Variants in COL10A1 observed in about 807,000 individuals in gnomAD.
COL10A1 encodes collagen type X alpha 1 chain.
COL10A1 carries 10 observed loss-of-function variants against 18.2 expected under a neutral mutation model. The ratio of observed to expected loss-of-function variants is 0.55; its 90% confidence interval spans 0.34 to 0.93. COL10A1 has a LOEUF of 0.93. Ranked by LOEUF, COL10A1 falls within the 40% of genes least tolerant of loss-of-function variation. The pLI is 0.02. For synonymous variants in COL10A1, 330 were observed against 316.6 expected, an observed-to-expected ratio of 1.04 and a Z score of -0.45; for missense variants, 897 against 853.5, an observed-to-expected ratio of 1.05 and a Z score of -0.64.
intron 1 of COL10A1, among the ~76,000 whole-genome samples, chr6:116,131,248 G>T (rs1779455590): frequency 6.6e-6 from 1 of 152,116 alleles, no homozygotes; most frequent in Non-Finnish European, 1.5e-5. Context: ...AGCAAACATT[G>T]TATATTTCTG....
chr6:116,203,916 C>T, the COL10A1 span, among the ~76,000 whole-genome samples: 1 of 151,850 alleles, frequency 6.6e-6, no homozygotes, highest in South Asian at 2.1e-4. Context: ...TAATTATTAT[C>T]ATAATTTACC....
At chr6:116,165,376 T>G in the COL10A1 span, among the ~76,000 whole-genome samples, 1 of 152,228 alleles carries the variant, frequency 6.6e-6, no homozygotes, top group Non-Finnish European at 1.5e-5. Flanking sequence ...TGGATTTCTA[T>G]ATCTCTAACA....
chr6:116,163,813 A>C, the COL10A1 span, among the ~76,000 whole-genome samples: 14 of 152,264 alleles, frequency 9.2e-5, no homozygotes, highest in African/African-American at 3.4e-4. Flanking sequence ...TTACATGTCT[A>C]TATTCATTTC....
At chr6:116,165,411 C>A in the COL10A1 span, among the ~76,000 whole-genome samples, 36 of 152,296 alleles carry the variant, frequency 2.4e-4, no homozygotes, top group African/African-American at 8.7e-4. Flanking sequence ...TTCCTGAATT[C>A]TTTCTACCAA....
chr6:116,210,590 G>T, the COL10A1 span, among the ~76,000 whole-genome samples: 1 of 151,868 alleles, frequency 6.6e-6, no homozygotes, highest in Non-Finnish European at 1.5e-5. Context: ...TGTTCCTGGG[G>T]TCATTATGAG....
chr6:116,164,444 T>C, the COL10A1 span, among the ~76,000 whole-genome samples: 1 of 152,212 alleles, frequency 6.6e-6, no homozygotes, highest in Non-Finnish European at 1.5e-5. Context: ...TGATATATCT[T>C]TCTCCACCCC....
the COL10A1 span, among the ~76,000 whole-genome samples, chr6:116,193,980 C>T: frequency 6.6e-6 from 1 of 151,926 alleles, no homozygotes; most frequent in African/African-American, 2.4e-5. Flanking sequence ...GGGAGGACCA[C>T]CTAAGCCCAG....
chr6:116,216,104 AT>A, the COL10A1 span, among the ~76,000 whole-genome samples: 1 of 152,180 alleles, frequency 6.6e-6, no homozygotes, highest in Non-Finnish European at 1.5e-5. Context: ...CTTAATTGGT[AT>A]AGTGTAAGAG....
intron 1 of COL10A1, among the ~76,000 whole-genome samples, chr6:116,157,001 A>T (rs1342218127): frequency 6.6e-6 from 1 of 151,930 alleles, no homozygotes. Context: ...TTATTTGGAT[A>T]TTTTTTTCTC....
the COL10A1 span, among the ~76,000 whole-genome samples, chr6:116,189,785 T>A: frequency 8.6e-5 from 13 of 152,018 alleles, no homozygotes; most frequent in Non-Finnish European, 1.6e-4. Context: ...AATCCATTCA[T>A]ATGCAGGAAC....
At chr6:116,172,695 A>T in the COL10A1 span, among the ~76,000 whole-genome samples, 5 of 152,212 alleles carry the variant, frequency 3.3e-5, no homozygotes, top group African/African-American at 4.8e-5. Flanking sequence ...TATATTATTT[A>T]ATTACATAAG....
the COL10A1 span, among the ~76,000 whole-genome samples, chr6:116,200,470 T>C: frequency 1.3e-5 from 2 of 152,066 alleles, no homozygotes; most frequent in Non-Finnish European, 2.9e-5. Context: ...AAGATATTGA[T>C]AGGGAAATTG....
At chr6:116,186,989 A>G in the COL10A1 span, among the ~76,000 whole-genome samples, 1 of 152,014 alleles carries the variant, frequency 6.6e-6, no homozygotes. Flanking sequence ...TCATTTGGGT[A>G]AACTATGTCA....
At chr6:116,147,275 C>G (rs1779921373) in intron 1 of COL10A1, among the ~76,000 whole-genome samples, 1 of 151,726 alleles carries the variant, frequency 6.6e-6, no homozygotes, top group African/African-American at 2.4e-5. Context: ...AATCCCGACT[C>G]TACTAAAAAT....
At chr6:116,160,848 C>T (rs1430682738), upstream of COL10A1, among the ~76,000 whole-genome samples, 1 of 152,030 alleles carries the variant, frequency 6.6e-6, no homozygotes, top group Non-Finnish European at 1.5e-5. Flanking sequence ...TGGGTATATA[C>T]CCAAAGGACT....
the COL10A1 span, among the ~76,000 whole-genome samples, chr6:116,197,931 G>A: frequency 6.6e-6 from 1 of 152,026 alleles, no homozygotes; most frequent in Non-Finnish European, 1.5e-5. Flanking sequence ...CTTCACCCCA[G>A]ATAGGGCTGC....
intron 1 of COL10A1, among the ~76,000 whole-genome samples, chr6:116,155,316 C>A (rs1244600624): frequency 6.6e-6 from 1 of 152,080 alleles, no homozygotes; most frequent in African/African-American, 2.4e-5. Flanking sequence ...AATAATCTTT[C>A]TTATTATTAA....
At chr6:116,158,066 C>T (rs1451720169) in intron 1 of COL10A1, among the ~76,000 whole-genome samples, 1 of 152,198 alleles carries the variant, frequency 6.6e-6, no homozygotes, top group Admixed American at 6.5e-5. Flanking sequence ...GCAGCTTCAG[C>T]TCTCAAAAAG....
the COL10A1 span, among the ~76,000 whole-genome samples, chr6:116,171,770 CAA>C: frequency 6.6e-6 from 1 of 152,278 alleles, no homozygotes; most frequent in Middle Eastern, 3.4e-3. Flanking sequence ...CTGTGTTGAG[CAA>C]TTGGGGTACA....
Sources: allele counts gnomAD v4.1 joint callset (sites outside exome capture counted in the v4.1 genomes callset), GRCh38; gene constraint gnomAD v4.1.1; transcripts MANE v1.5; gene names NCBI Gene and HGNC (gene_info 2026-07-23, HGNC 2026-07-21).